LPP: variants seen among roughly 807,000 people sequenced by gnomAD.
LPP encodes the protein lipoma-preferred partner.
Under a neutral mutation model 60.4 loss-of-function variants are expected in LPP, and 38 were observed. The ratio of observed to expected loss-of-function variants is 0.63; its 90% CI spans 0.49 to 0.83. The LOEUF is 0.83. LPP is among the 40% of genes least tolerant of loss of function. LPP has a pLI of 0.00. For synonymous variants in LPP, 328 were observed against 290.8 expected (o/e 1.13, Z -1.30); for missense variants, 902 against 783.6 (o/e 1.15, Z -1.80).
At chr3:188,551,411 G>A (rs949456119) in intron 6 of LPP, among the ~76,000 whole-genome samples, 3 of 152,140 alleles carry the variant, frequency 2.0e-5, no homozygotes, top group Non-Finnish European at 2.9e-5. Flanking sequence ...AGATTTGGGT[G>A]GGGACAGAGC....
chr3:188,598,823 T>G (rs1008704061), intron 6 of LPP, among the ~76,000 whole-genome samples: 3 of 152,148 alleles, frequency 2.0e-5, no homozygotes, highest in African/African-American at 7.2e-5. Flanking sequence ...AAGAATCATT[T>G]CAATTTTCAG....
intron 3 of LPP, among the ~76,000 whole-genome samples, chr3:188,389,454 C>G (rs948503175): frequency 6.6e-6 from 1 of 152,098 alleles, no homozygotes; most frequent in Non-Finnish European, 1.5e-5. Flanking sequence ...TGTGCTTGAC[C>G]TCCTGCTTAG....
At chr3:188,586,639 A>G (rs540242324) in intron 6 of LPP, among the ~76,000 whole-genome samples, 1 of 152,294 alleles carries the variant, frequency 6.6e-6, no homozygotes, top group South Asian at 2.1e-4. Flanking sequence ...GAGAAATGAA[A>G]CTGCAGAATG....
At chr3:188,516,931 A>G (rs1273895778) in intron 5 of LPP, among the ~76,000 whole-genome samples, 1 of 152,150 alleles carries the variant, frequency 6.6e-6, no homozygotes, top group Non-Finnish European at 1.5e-5. Flanking sequence ...TGGCACCCTT[A>G]CACATGTTCA....
chr3:188,410,058 A>G (rs758222298), intron 4 of LPP, among the ~76,000 whole-genome samples: 3 of 152,128 alleles, frequency 2.0e-5, no homozygotes, highest in Admixed American at 6.5e-5. Flanking sequence ...TTGCTTGTAT[A>G]TGCACCTGTC....
chr3:188,272,610 G>A (rs187495454), intron 2 of LPP, among the ~76,000 whole-genome samples: 15 of 152,312 alleles, frequency 9.8e-5, no homozygotes, highest in African/African-American at 3.4e-4. Flanking sequence ...TGACACGGCA[G>A]AGTCATTGGG....
chr3:188,282,501 G>A (rs2149937716), intron 2 of LPP, among the ~76,000 whole-genome samples: 1 of 152,168 alleles, frequency 6.6e-6, no homozygotes, highest in African/African-American at 2.4e-5. Context: ...TATTTTGGTG[G>A]GGTGCTCCTA....
chr3:188,350,536 A>G (rs1765565212), intron 3 of LPP, among the ~76,000 whole-genome samples: 1 of 152,202 alleles, frequency 6.6e-6, no homozygotes, highest in Non-Finnish European at 1.5e-5. Flanking sequence ...GGTGAACCCT[A>G]GACTCTATCT....
chr3:188,250,998 C>CCT (rs1366583093), intron 2 of LPP, among the ~76,000 whole-genome samples: 3 of 28,584 alleles, frequency 1.0e-4, no homozygotes, highest in Admixed American at 3.9e-4. Flanking sequence ...CCTGCCCTCC[C>CCT]CCCCTGCCCT....
rs542342203 is a variant in LPP at position 188,569,725 on chromosome 3, C to T, written c.430-39436C>T. 2.1e-4 allele frequency among the ~76,000 whole-genome samples: 32 copies of T among 152,090 alleles called. No individual in the cohort carries two copies. In the East Asian group the frequency reaches 3.1e-3, roughly 15 times the overall value. On this transcript the variant is annotated intron_variant, in intron 6 of 11. Coordinates refer to ENST00000617246, the MANE Select transcript of LPP (RefSeq NM_001375462.1). ...AGTGGCAGAGGTCATGTTTCAGCCT[C>T]GGCCATCTGGCTCCAAAGCCTAAAT...
At chr3:188,779,090 C>G (rs940799195) in intron 9 of LPP, among the ~76,000 whole-genome samples, 1 of 151,562 alleles carries the variant, frequency 6.6e-6, no homozygotes, top group African/African-American at 2.4e-5. Flanking sequence ...TGCATGTTTT[C>G]CAAAGAGTTT....
intron 3 of LPP, among the ~76,000 whole-genome samples, chr3:188,397,677 G>A (rs1289440454): frequency 6.6e-6 from 1 of 151,528 alleles, no homozygotes; most frequent in African/African-American, 2.4e-5. Flanking sequence ...GCAGTGGCGC[G>A]ATCTCGGCTC....
chr3:188,834,126 A>G (rs1372343857), intron 9 of LPP, among the ~76,000 whole-genome samples: 1 of 152,014 alleles, frequency 6.6e-6, no homozygotes, highest in Non-Finnish European at 1.5e-5. Context: ...TGGTCCTACA[A>G]AGTTTTCTTC....
intron 9 of LPP, among the ~76,000 whole-genome samples, chr3:188,761,305 G>T (rs1732259976): frequency 6.6e-6 from 1 of 152,104 alleles, no homozygotes; most frequent in African/African-American, 2.4e-5. Flanking sequence ...CCTATAACTT[G>T]GCAGCTCTAA....
intron 8 of LPP, among the ~76,000 whole-genome samples, chr3:188,757,897 T>TTTG (rs1730875222): frequency 1.4e-5 from 2 of 144,266 alleles, no homozygotes; most frequent in African/African-American, 5.2e-5. Flanking sequence ...TGGTTTTTTT[T>TTTG]TTTTTTTTTT....
chr3:188,493,872 G>A (rs1287218942), intron 5 of LPP, among the ~76,000 whole-genome samples: 24 of 151,822 alleles, frequency 1.6e-4, no homozygotes, highest in Non-Finnish European at 1.5e-5. Context: ...TTTTCCAATA[G>A]TTCTACTACA....
chr3:188,420,674 C>T (rs1406002380), intron 4 of LPP, among the ~76,000 whole-genome samples: 1 of 152,036 alleles, frequency 6.6e-6, no homozygotes, highest in Non-Finnish European at 1.5e-5. Flanking sequence ...TTAACTTACC[C>T]ATTAAGAAAA....
At chr3:188,536,753 C>A (rs1823748903) in intron 6 of LPP, among the ~76,000 whole-genome samples, 1 of 152,118 alleles carries the variant, frequency 6.6e-6, no homozygotes, top group South Asian at 2.1e-4. Context: ...GTTGAAGAAA[C>A]AATAAAGCTT....
intron 6 of LPP, among the ~76,000 whole-genome samples, chr3:188,587,551 G>A (rs1837744137): frequency 6.6e-6 from 1 of 152,122 alleles, no homozygotes; most frequent in Non-Finnish European, 1.5e-5. Flanking sequence ...AATTAATAAT[G>A]TGGTCTGTTT....
Sources: gnomAD v4.1 joint callset for allele counts (sites outside exome capture counted in the v4.1 genomes callset) on GRCh38, gnomAD v4.1.1 for gene constraint, MANE v1.5 for transcripts, NCBI Gene and HGNC (gene_info 2026-07-23, HGNC 2026-07-21) for gene names.